The following USH2A variants were observed in gnomAD, a reference collection of about 807,000 sequenced individuals.
USH2A encodes usherin.
A neutral mutation model predicts 538.9 loss-of-function variants in USH2A; 443 were observed. The ratio of observed to expected loss-of-function variants is 0.82; its 90% CI spans 0.76 to 0.89. The LOEUF is 0.89. Ranked by LOEUF, USH2A falls within the 40% of genes least tolerant of loss-of-function variation. The pLI is 0.00. For synonymous variants in USH2A, 2,413 were observed against 2,273.5 expected, an observed-to-expected ratio of 1.06 and a Z score of -1.75; for missense variants, 6,633 against 6,324.8, an observed-to-expected ratio of 1.05 and a Z score of -1.65.
At chr1:216,331,282 C>T (rs1420552879) in intron 4 of USH2A, among the ~76,000 whole-genome samples, 3 of 151,942 alleles carry the variant, frequency 2.0e-5, no homozygotes, top group Non-Finnish European at 4.4e-5. Flanking sequence ...ATAAACATTC[C>T]ATAAAAATTC....
At chr1:216,105,173 AC>A (rs1286769905) in intron 21 of USH2A, among the ~76,000 whole-genome samples, 28 of 152,176 alleles carry the variant, frequency 1.8e-4, no homozygotes, top group Non-Finnish European at 1.5e-5. Context: ...AGTTGAATTT[AC>A]CATTTTTTAA....
intron 69 of USH2A, among the ~76,000 whole-genome samples, chr1:215,638,181 A>C (rs894889863): frequency 1.3e-5 from 2 of 152,144 alleles, no homozygotes; most frequent in Non-Finnish European, 2.9e-5. Flanking sequence ...TCTTCTTCTG[A>C]TCTCTCCTCT....
At chr1:216,174,658 G>A in intron 21 of USH2A, 1 of 985,942 alleles carries the variant, frequency 1.0e-6, no homozygotes, top group Non-Finnish European at 1.2e-6. Flanking sequence ...CTTTACCATA[G>A]TCCTGGCTTA....
At chr1:216,046,637 C>A in intron 31 of USH2A, 45 bp from the exon 32 acceptor site, 1 of 1,609,408 alleles carries the variant, frequency 6.2e-7, no homozygotes, top group South Asian at 1.1e-5. Context: ...GTTTACTTTT[C>A]TAATTCAAAC....
intron 61 of USH2A, among the ~76,000 whole-genome samples, chr1:215,696,279 G>C (rs1399462916): frequency 1.3e-5 from 2 of 152,162 alleles, no homozygotes; most frequent in Admixed American, 1.3e-4. Context: ...ATAGGTCAAG[G>C]AGGAGAAGGA....
intron 44 of USH2A, among the ~76,000 whole-genome samples, chr1:215,852,059 A>G (rs1419539310): frequency 1.3e-5 from 2 of 152,220 alleles, no homozygotes; most frequent in East Asian, 3.9e-4. Context: ...AAAGTCATCT[A>G]TGATAAACCC....
At chr1:216,351,850 A>G (rs1019589369) in intron 4 of USH2A, among the ~76,000 whole-genome samples, 25 of 151,600 alleles carry the variant, frequency 1.6e-4, no homozygotes, top group African/African-American at 6.1e-4. Flanking sequence ...AAAAAAAAAA[A>G]TGTTGAACAT....
At chr1:216,088,925 A>G in intron 23 of USH2A, 88 bp downstream of exon 23, 1 of 1,572,376 alleles carries the variant, frequency 6.4e-7, no homozygotes. Flanking sequence ...ATTATGGTGA[A>G]ATAAGAATGT....
intron 3 of USH2A, among the ~76,000 whole-genome samples, 192 bp from the exon 4 acceptor site, chr1:216,365,277 T>C (rs983055403): frequency 3.9e-5 from 6 of 152,152 alleles, no homozygotes; most frequent in African/African-American, 1.4e-4. Flanking sequence ...TATAGTGTCA[T>C]TTTGTGCTGT....
intron 3 of USH2A, among the ~76,000 whole-genome samples, chr1:216,403,532 T>G (rs762113123): frequency 5.9e-5 from 9 of 152,022 alleles, no homozygotes; most frequent in Non-Finnish European, 1.3e-4. Context: ...TTCCAACAAA[T>G]AAAGAATTTC....
At chr1:216,378,072 C>T (rs891187719) in intron 3 of USH2A, among the ~76,000 whole-genome samples, 2 of 151,436 alleles carry the variant, frequency 1.3e-5, no homozygotes, top group African/African-American at 4.9e-5. Context: ...AGGTGAAGTC[C>T]AGGAAAAAAA....
Position 215,936,350 on chromosome 1 carries a change from A to T in USH2A, c.7121-1555T>A, listed in dbSNP as rs1666497363. Among the ~76,000 whole-genome samples, 2 of 152,076 alleles carry T rather than the reference A, an allele frequency of 1.3e-5. 1 individual carries two copies. Among genetic ancestry groups the T allele is most frequent in the South Asian group, 4.1e-4 (2 of 4,832 alleles). On this transcript the variant is annotated intron_variant, in intron 37 of 71. Coordinates refer to ENST00000307340, the MANE Select transcript of USH2A (RefSeq NM_206933.4). ...TTACAAAAACATTATATTTTAACACAGTTTAGTAGCAAAGTATAGTGCAAA... is the reference window on the plus strand; with the variant it reads ...TTACAAAAACATTATATTTTAACACTGTTTAGTAGCAAAGTATAGTGCAAA...
At chr1:216,291,988 C>T (rs760262117) in intron 10 of USH2A, among the ~76,000 whole-genome samples, 187 bp downstream of exon 10, 4 of 152,140 alleles carry the variant, frequency 2.6e-5, no homozygotes, top group Admixed American at 6.6e-5. Context: ...GACTAGAGTG[C>T]TATTTCTGAA....
chr1:216,321,627 A>C (rs1167137302), intron 9 of USH2A, among the ~76,000 whole-genome samples: 1 of 152,200 alleles, frequency 6.6e-6, no homozygotes, highest in Non-Finnish European at 1.5e-5. Context: ...CAAAGAAAGA[A>C]AAACAAAAGA....
At chr1:216,238,750 G>A (rs1384089791) in intron 13 of USH2A, among the ~76,000 whole-genome samples, 3 of 152,076 alleles carry the variant, frequency 2.0e-5, no homozygotes, top group African/African-American at 7.2e-5. Flanking sequence ...TGTTTTTTAG[G>A]AAAGTGGGAC....
At chr1:215,636,255 G>GA (rs1656480527) in intron 69 of USH2A, among the ~76,000 whole-genome samples, 1 of 152,126 alleles carries the variant, frequency 6.6e-6, no homozygotes, top group Non-Finnish European at 1.5e-5. Context: ...AGACTTAAAG[G>GA]AAAAAAGTTC....
In USH2A at chr1:216,325,317, A is replaced by G; in HGVS notation, c.1131T>C (p.Asn377=). The G allele has an allele frequency of 6.2e-7, 1 of 1,613,710 alleles. No homozygotes were observed. Among genetic ancestry groups the G allele is most frequent in the East Asian group, 2.2e-5 (1 of 44,830 alleles). The change falls in exon 6 of 72, where the codon AAT becomes AAC. Residue 377 remains asparagine (N), a synonymous_variant. Coordinates refer to ENST00000307340, the MANE Select transcript of USH2A (RefSeq NM_206933.4). The part of the protein sequence containing the change: ...QGVTISVDLE[N]GQYQVFYIII... Reference sequence around the variant, plus strand: ...CGTTTCTCATTACCTGATACTGTCCATTTTCCAAATCAACTGAAATAGTCA... The same window carrying G: ...CGTTTCTCATTACCTGATACTGTCCGTTTTCCAAATCAACTGAAATAGTCA...
At chr1:215,744,505 T>C (rs1335232857) in intron 58 of USH2A, among the ~76,000 whole-genome samples, 9 of 152,256 alleles carry the variant, frequency 5.9e-5, no homozygotes, top group Admixed American at 1.3e-4. Context: ...TTAACATTTA[T>C]GAGTTTAGTT....
At chr1:216,233,350 T>C (rs973162054) in intron 13 of USH2A, among the ~76,000 whole-genome samples, 2 of 152,144 alleles carry the variant, frequency 1.3e-5, no homozygotes, top group Non-Finnish European at 2.9e-5. Context: ...GTCTCGTGAC[T>C]TCCTCAGGCA....
Sources: gnomAD v4.1 joint callset for allele counts (sites outside exome capture counted in the v4.1 genomes callset) on GRCh38, gnomAD v4.1.1 for gene constraint, MANE v1.5 for transcripts, NCBI Gene and HGNC (gene_info 2026-07-23, HGNC 2026-07-21) for gene names.